CLVS2: variants seen among roughly 807,000 people sequenced by gnomAD.
The protein encoded by CLVS2 is clavesin 2, also known as clavesin-2.
A neutral mutation model predicts 29.0 loss-of-function variants in CLVS2; 19 were observed. That is an observed-to-expected ratio of 0.66 (90% confidence interval 0.46 to 0.96). The LOEUF (loss-of-function observed/expected upper bound fraction) is 0.96. Among genes scored for constraint, CLVS2 ranks in the 40% least tolerant of loss-of-function variants. CLVS2 has a pLI of 0.00. For synonymous variants in CLVS2, 161 were observed against 151.3 expected, an observed-to-expected ratio of 1.06 and a Z score of -0.47; for missense variants, 294 against 404.1, an observed-to-expected ratio of 0.73 and a Z score of 2.34.
chr6:123,053,072 C>T lies in CLVS2; in HGVS notation c.676-2734C>T, dbSNP rs1044457939. 2.2e-5 allele frequency among the ~76,000 whole-genome samples: 3 copies of T among 134,100 alleles called. 1 individual carries two copies. Among genetic ancestry groups the T allele is most frequent in the Non-Finnish European group, 4.8e-5 (3 of 62,826 alleles). The allele number at this position is 134,100 out of a possible 152,430, so 88.0% of individuals were successfully genotyped here. A position where few individuals can be genotyped will look rare whatever the true frequency, so the allele number is the denominator to read the frequency against. ...AAAATATTAGGAAAATCAGGCCAGG[C>T]GCAGTGGCTCGCGCCTGTAATCCCA... On this transcript the variant is annotated intron_variant, in intron 4 of 5. Coordinates refer to ENST00000275162, the MANE Select transcript of CLVS2 (RefSeq NM_001010852.4).
intron 3 of CLVS2, among the ~76,000 whole-genome samples, chr6:123,012,632 A>T (rs1227026554): frequency 6.6e-6 from 1 of 152,012 alleles, no homozygotes; most frequent in Admixed American, 6.6e-5. Flanking sequence ...CTTCCTTGTT[A>T]GCTGTAACTA....
intron 5 of CLVS2, 132 bp downstream of exon 5, chr6:123,056,158 TG>T: frequency 1.6e-6 from 1 of 639,244 alleles, no homozygotes; most frequent in South Asian, 1.9e-5. Context: ...GCCCTATGAT[TG>T]TATGTCTAAG....
intron 3 of CLVS2, among the ~76,000 whole-genome samples, chr6:123,033,389 G>C (rs1486523348): frequency 1.3e-5 from 2 of 151,966 alleles, no homozygotes; most frequent in East Asian, 3.9e-4. Context: ...TAGAACAGAG[G>C]ACCCAGAAAT....
chr6:123,004,613 C>T (rs1370363263), intron 2 of CLVS2, among the ~76,000 whole-genome samples: 1 of 152,146 alleles, frequency 6.6e-6, no homozygotes, highest in Non-Finnish European at 1.5e-5. Context: ...TATTATGCTA[C>T]CATGAAAAAG....
In CLVS2 at chr6:123,016,237, C is replaced by T. The variant is rs558116206; in HGVS notation, c.564+5078C>T. On this transcript the variant is annotated intron_variant, in intron 3 of 5. Coordinates refer to ENST00000275162, the MANE Select transcript of CLVS2 (RefSeq NM_001010852.4). ...ACAAGATTAAGTGAATGTAACTGGTCGGCTAAGATATCTGCCTGGAAAGCC... is the reference window on the plus strand; with the variant it reads ...ACAAGATTAAGTGAATGTAACTGGTTGGCTAAGATATCTGCCTGGAAAGCC... Among the ~76,000 whole-genome samples, 119 of 148,554 alleles carry T rather than the reference C, an allele frequency of 8.0e-4. 1 individual carries two copies. Among genetic ancestry groups the T allele is most frequent in the Admixed American group, 6.8e-3 (99 of 14,492 alleles).
chr6:123,024,021 C>G (rs1774962371), intron 3 of CLVS2, among the ~76,000 whole-genome samples: 1 of 152,058 alleles, frequency 6.6e-6, no homozygotes, highest in Non-Finnish European at 1.5e-5. Flanking sequence ...ACTTATGTAA[C>G]AAGAAGATGA....
In CLVS2 at chr6:122,997,798, T is replaced by C; in HGVS notation, c.21T>C (p.Gly7=). ...GAACAATGACTCATTTGCAAGCCGGTCTCTCCCCTGAGACCCTGGAGAAAG... is the reference window on the plus strand; with the variant it reads ...GAACAATGACTCATTTGCAAGCCGGCCTCTCCCCTGAGACCCTGGAGAAAG... MTHLQA[G]LSPETLEKAR... The change falls in exon 2 of 6, where the codon GGT becomes GGC. Residue 7 remains glycine, a synonymous_variant. Transcript: ENST00000275162. The C allele has an allele frequency of 6.2e-7, 1 of 1,613,914 alleles. No individual in the cohort carries two copies. Among genetic ancestry groups the C allele is most frequent in the Non-Finnish European group, 8.5e-7 (1 of 1,179,992 alleles).
chr6:123,051,092 C>T (rs1357419336), intron 4 of CLVS2, among the ~76,000 whole-genome samples: 2 of 152,056 alleles, frequency 1.3e-5, no homozygotes, highest in African/African-American at 4.8e-5. Context: ...TAAATTTCTT[C>T]ACTGATATTC....
intron 3 of CLVS2, among the ~76,000 whole-genome samples, chr6:123,024,445 C>A (rs752951098): frequency 1.3e-5 from 2 of 152,026 alleles, no homozygotes; most frequent in Non-Finnish European, 2.9e-5. Flanking sequence ...CATGAAGAGA[C>A]CCTCAATGGT....
intron 2 of CLVS2, among the ~76,000 whole-genome samples, chr6:122,999,063 G>C (rs1774552273): frequency 6.6e-6 from 1 of 152,184 alleles, no homozygotes; most frequent in African/African-American, 2.4e-5. Flanking sequence ...CTTGTGCAAG[G>C]TAGTTTCAAT....
rs1457890082 is a variant in CLVS2 at position 123,064,338 on chromosome 6, G to A, written c.*577G>A. 6.6e-6 allele frequency: 1 copy of A among 151,972 alleles called. No individual in the cohort carries two copies. The highest frequency in any genetic ancestry group is 6.6e-5 in the Admixed American group (1 of 15,244). The allele number at this position is 151,972 out of a possible 1,614,324, so 9.4% of individuals were successfully genotyped here. ...CATTGGCCTTGCATTTTGGAGGCAA[G>A]GAATGGCAGATGAGCTGGTAAACTG... On this transcript the variant is annotated 3_prime_UTR_variant, in exon 6 of 6. Coordinates refer to ENST00000275162, the MANE Select transcript of CLVS2 (RefSeq NM_001010852.4).
rs1375221867 is a variant in CLVS2, at chr6:123,071,921, C to A, written c.*8160C>A. ...CTCACATATATTCCAACTGGCTTTT[C>A]AGCTTGCTCCCTTCTCTTTTAATTT... On this transcript the variant is annotated 3_prime_UTR_variant, in exon 6 of 6. Coordinates refer to ENST00000275162, the MANE Select transcript of CLVS2 (RefSeq NM_001010852.4). The A allele has an allele frequency of 2.0e-5, 3 of 152,012 alleles. No homozygotes were observed. Among genetic ancestry groups the A allele is most frequent in the Non-Finnish European group, 4.4e-5 (3 of 67,942 alleles). The allele number at this position is 152,012 out of a possible 1,614,324, so 9.4% of individuals were successfully genotyped here.
At chr6:123,019,007 C>T (rs997181666) in intron 3 of CLVS2, among the ~76,000 whole-genome samples, 1 of 152,102 alleles carries the variant, frequency 6.6e-6, no homozygotes, top group African/African-American at 2.4e-5. Flanking sequence ...CGTATTCCTT[C>T]CACCTTCTTG....
chr6:123,040,487 G>T (rs1775212950), intron 3 of CLVS2, among the ~76,000 whole-genome samples: 1 of 152,186 alleles, frequency 6.6e-6, no homozygotes, highest in African/African-American at 2.4e-5. Context: ...CCCCGCCATG[G>T]AATCAATATA....
At chr6:123,057,237 G>A (rs1411935568) in intron 5 of CLVS2, among the ~76,000 whole-genome samples, 1 of 151,876 alleles carries the variant, frequency 6.6e-6, no homozygotes, top group Admixed American at 6.6e-5. Flanking sequence ...AACGGGTCAT[G>A]CCAATGTCTG....
chr6:123,007,388 C>A (rs1314356279), intron 2 of CLVS2, among the ~76,000 whole-genome samples: 8 of 152,066 alleles, frequency 5.3e-5, no homozygotes, highest in Non-Finnish European at 1.2e-4. Context: ...AATCAAGGAT[C>A]CCCATTTTAT....
chr6:123,040,724 C>T (rs964377515), intron 3 of CLVS2, among the ~76,000 whole-genome samples: 2 of 149,692 alleles, frequency 1.3e-5, no homozygotes, highest in Admixed American at 1.3e-4. Flanking sequence ...GCCGAGATCG[C>T]GCCATTGCAC....
chr6:123,001,213 G>A (rs1439108905), intron 2 of CLVS2, among the ~76,000 whole-genome samples: 1 of 152,180 alleles, frequency 6.6e-6, no homozygotes, highest in Non-Finnish European at 1.5e-5. Flanking sequence ...ACTGAAAACA[G>A]TAAAACCGTG....
rs923917369 is a variant in CLVS2 at position 123,064,963 on chromosome 6, G to A, written c.*1202G>A. On this transcript the variant is annotated 3_prime_UTR_variant, in exon 6 of 6. Coordinates refer to ENST00000275162, the MANE Select transcript of CLVS2 (RefSeq NM_001010852.4). The stretch of plus-strand genomic sequence containing the variant: ...AAGAAGCAATAGGTCTCAACATAGT[G>A]TAGGTAGCATCAGGTGACAGAAAGC... The A allele has an allele frequency of 6.6e-6, 1 of 151,790 alleles. No homozygotes were observed. Among genetic ancestry groups the A allele is most frequent in the African/African-American group, 2.4e-5 (1 of 41,416 alleles). 9.4% of individuals were successfully genotyped at this position (151,790 alleles called of 1,614,324 possible).
Sources: gnomAD v4.1 joint callset for allele counts (sites outside exome capture counted in the v4.1 genomes callset) on GRCh38, gnomAD v4.1.1 for gene constraint, MANE v1.5 for transcripts, NCBI Gene and HGNC (gene_info 2026-07-23, HGNC 2026-07-21) for gene names.